Variants in GPHN observed in about 807,000 individuals in gnomAD.
GPHN encodes gephyrin.
GPHN carries 17 observed loss-of-function variants against 95.5 expected under a neutral mutation model. The observed-to-expected ratio is 0.18, with a 90% CI of 0.12 to 0.27. The LOEUF is 0.27. Ranked by LOEUF, GPHN falls within the 10% of genes least tolerant of loss-of-function variation. The pLI, the probability that GPHN is intolerant of heterozygous loss-of-function variation, is 1.00. For missense variants in GPHN, 660 were observed against 978.1 expected (o/e 0.67, Z 4.34); for synonymous variants, 320 against 322.5 (o/e 0.99, Z 0.08).
At chr14:66,923,072 C>A in intron 7 of GPHN, 134 bp downstream of exon 7, 1 of 744,062 alleles carries the variant, frequency 1.3e-6, no homozygotes. Flanking sequence ...GTGGGATGTC[C>A]ATGACACTCC....
chr14:67,333,845 GT>G, the GPHN span: 4 of 152,610 alleles, frequency 2.6e-5, no homozygotes, highest in African/African-American at 9.6e-5. Flanking sequence ...GATGCTAATA[GT>G]TTTTTGTATA....
chr14:67,279,083 A>T, the GPHN span: 10 of 1,234,618 alleles, frequency 8.1e-6, no homozygotes, highest in Middle Eastern at 2.1e-4. Flanking sequence ...TTTTTGAAGT[A>T]ACATGGATTT....
the GPHN span, chr14:67,579,223 TG>T: frequency 6.2e-7 from 1 of 1,611,300 alleles, no homozygotes; most frequent in Non-Finnish European, 8.5e-7. Context: ...CCATCGCGCA[TG>T]GAAGTGGTGT....
the GPHN span, chr14:67,279,755 C>A: frequency 2.4e-6 from 1 of 420,780 alleles, no homozygotes. Context: ...GTCACTATAA[C>A]ATGTTTTTTT....
the GPHN span, among the ~76,000 whole-genome samples, chr14:67,235,663 C>T: frequency 0.048 from 7,221 of 151,608 alleles, 191 homozygotes; most frequent in Non-Finnish European, 0.054. Context: ...CGCAGTGAGT[C>T]GAGATCGCGC....
chr14:67,395,151 T>C, the GPHN span, among the ~76,000 whole-genome samples: 3 of 152,234 alleles, frequency 2.0e-5, no homozygotes, highest in South Asian at 6.2e-4. Flanking sequence ...ATGGGGGTCT[T>C]GTGTCATGGA....
At chr14:67,661,188 CCAGAATTTTGG>C in the GPHN span, among the ~76,000 whole-genome samples, 2 of 146,590 alleles carry the variant, frequency 1.4e-5, no homozygotes, top group Admixed American at 1.4e-4. Flanking sequence ...CTAGCAGCGA[CCAGAATTTTGG>C]CCCCAATCTT....
chr14:66,530,773 C>T (rs2058892530), intron 1 of GPHN, among the ~76,000 whole-genome samples: 1 of 152,022 alleles, frequency 6.6e-6, no homozygotes, highest in South Asian at 2.1e-4. Flanking sequence ...TTCTGCTCGC[C>T]CTCTGTGGGC....
chr14:66,759,623 G>A (rs1188374165), intron 2 of GPHN, among the ~76,000 whole-genome samples: 1 of 152,096 alleles, frequency 6.6e-6, no homozygotes, highest in Admixed American at 6.5e-5. Context: ...TTGGTGTAAC[G>A]TGAAATGGGT....
At chr14:67,236,846 G>A in the GPHN span, among the ~76,000 whole-genome samples, 2 of 151,960 alleles carry the variant, frequency 1.3e-5, no homozygotes, top group East Asian at 3.9e-4. Context: ...CCAGCACTTT[G>A]GGAGGCCGAG....
the GPHN span, among the ~76,000 whole-genome samples, chr14:67,552,649 C>T: frequency 0.01 from 1,484 of 144,706 alleles, 27 homozygotes; most frequent in African/African-American, 0.034. Flanking sequence ...TGCCTGTAGT[C>T]CCAGCTACTC....
chr14:67,729,309 G>A, the GPHN span: 1 of 1,601,454 alleles, frequency 6.2e-7, no homozygotes, highest in Non-Finnish European at 8.5e-7. Context: ...AGACGGCACG[G>A]GAGGGGGCGC....
chr14:66,556,727 A>G (rs1315139619), intron 1 of GPHN, among the ~76,000 whole-genome samples: 2 of 152,076 alleles, frequency 1.3e-5, no homozygotes, highest in East Asian at 1.9e-4. Context: ...TTTTATATTA[A>G]ATATATATCA....
chr14:67,587,035 G>A, the GPHN span: 6 of 1,546,584 alleles, frequency 3.9e-6, no homozygotes, highest in African/African-American at 8.2e-5. Flanking sequence ...TTCAAGCCAA[G>A]GCTAGTTCAA....
chr14:66,592,011 C>T (rs933747269), intron 1 of GPHN, among the ~76,000 whole-genome samples: 1 of 152,188 alleles, frequency 6.6e-6, no homozygotes, highest in Non-Finnish European at 1.5e-5. Context: ...CACACATCTA[C>T]AGCCATCTTA....
intron 1 of GPHN, among the ~76,000 whole-genome samples, chr14:66,667,227 A>G (rs1384665450): frequency 1.3e-5 from 2 of 152,226 alleles, no homozygotes; most frequent in African/African-American, 2.4e-5. Flanking sequence ...CAATTTATAA[A>G]TTCATTGCTA....
chr14:66,934,290 CA>C (rs1162823409), intron 8 of GPHN, among the ~76,000 whole-genome samples: 1 of 152,130 alleles, frequency 6.6e-6, no homozygotes, highest in Non-Finnish European at 1.5e-5. Context: ...CTAATGAGCT[CA>C]TTGCTACTTA....
chr14:67,593,983 A>G, the GPHN span: 4 of 1,479,076 alleles, frequency 2.7e-6, no homozygotes, highest in Admixed American at 1.8e-5. Flanking sequence ...AGACAGTAAG[A>G]TTACCAAGTG....
chr14:66,917,960 A>G (rs1018508318), intron 6 of GPHN, among the ~76,000 whole-genome samples: 2 of 152,178 alleles, frequency 1.3e-5, no homozygotes, highest in African/African-American at 2.4e-5. Flanking sequence ...GTTTTAGCCA[A>G]CTGCAAAAAA....
Sources: allele counts gnomAD v4.1 joint callset (sites outside exome capture counted in the v4.1 genomes callset), GRCh38; gene constraint gnomAD v4.1.1; transcripts MANE v1.5; gene names NCBI Gene and HGNC (gene_info 2026-07-23, HGNC 2026-07-21).